AGPAT2: variants seen among roughly 807,000 people sequenced by gnomAD.
AGPAT2 encodes 1-acylglycerol-3-phosphate O-acyltransferase 2, also known as 1-acyl-sn-glycerol-3-phosphate acyltransferase beta.
A neutral mutation model predicts 26.1 loss-of-function variants in AGPAT2; 18 were observed. That is an observed-to-expected ratio of 0.69 (90% confidence interval 0.48 to 1.02). The LOEUF is 1.02. Ranked by LOEUF, AGPAT2 falls within the 50% of genes least tolerant of loss-of-function variation. The probability of loss-of-function intolerance (pLI) is 0.00; values close to 1 mark genes in which losing one functional copy is unlikely to be tolerated. For synonymous variants in AGPAT2, 200 were observed against 174.2 expected, an observed-to-expected ratio of 1.15 and a Z score of -1.16; for missense variants, 415 against 394.9, an observed-to-expected ratio of 1.05 and a Z score of -0.43.
Position 136,674,756 on chromosome 9 carries a change from TG to T in AGPAT2, c.639del (p.Lys214ArgfsTer39). 6.6e-7 allele frequency: 1 copy of T among 1,517,790 alleles called. No homozygotes were observed. The highest frequency in any genetic ancestry group is 1.3e-5 in the South Asian group (1 of 77,146). 94.0% of individuals were successfully genotyped at this position (1,517,790 alleles called of 1,614,324 possible). A position where few individuals can be genotyped will look rare whatever the true frequency, so the allele number is the denominator to read the frequency against. On this transcript the variant is annotated frameshift_variant, in exon 5 of 6. Coordinates refer to ENST00000371696, the MANE Select transcript of AGPAT2 (RefSeq NM_006412.4). LOFTEE classifies it low-confidence loss of function (END_TRUNC). ...VYSSFSSFYN[T>X]KKKFFTSGTV... is the part of the protein sequence containing the mutation. ...GTACCTGAAGTGAAGAACTTCTTCT[TG>T]GTGTTGTAGAAGGAGGAGAAGGAAG...
At position 136,677,608 on chromosome 9, in the gene AGPAT2, C is replaced by T. The variant is rs114049631; in HGVS notation, c.183-52G>A. The T allele has an allele frequency of 7.3e-4, 1,172 of 1,602,250 alleles. 11 individuals are homozygous for T. In the African/African-American group the frequency reaches 0.014, roughly 20 times the overall value. On this transcript the variant is annotated intron_variant, in intron 1 of 5. Coordinates refer to ENST00000371696, the MANE Select transcript of AGPAT2 (RefSeq NM_006412.4). ...GGTCCCACAGATCCCGCAGCCGAGG[C>T]TGGGGCGCGAAGGCCTGGGGGTGGG...
Position 136,687,222 on chromosome 9 carries a change from G to A in AGPAT2, c.136C>T (p.Leu46Phe), listed in dbSNP as rs1227650315. Residue 46 changes from leucine (L) to phenylalanine (F), a missense_variant, in exon 1 of 6, where the codon CTC (leucine) becomes TTC (phenylalanine). Transcript: ENST00000371696. ...LCFTVSAVAS[L>F]VCLLRHGGRT... The stretch of plus-strand genomic sequence containing the variant: ...CCGCCGTGGCGCAGCAGGCAGACGA[G>A]CGAGGCCACGGCGGACACCGTGAAG... 3 of 1,594,236 alleles carry A rather than the reference G, an allele frequency of 1.9e-6. No homozygotes were observed. Among genetic ancestry groups the A allele is most frequent in the Non-Finnish European group, 2.6e-6 (3 of 1,174,588 alleles).
rs746984584 is a variant in AGPAT2 at position 136,676,950 on chromosome 9, T to C, written c.492+11A>G. ...ACCCCAACCCCACCGAGCCCGGCCC[T>C]GCACACTCACGTTCTCCCTGACCAT... On this transcript the variant is annotated intron_variant, in intron 3 of 5. Transcript: ENST00000371696. 3.9e-6 allele frequency: 4 copies of C among 1,015,688 alleles called. No homozygotes were observed. Among genetic ancestry groups the C allele is most frequent in the South Asian group, 1.2e-5 (1 of 80,370 alleles). 62.9% of individuals were successfully genotyped at this position (1,015,688 alleles called of 1,614,324 possible). A position where few individuals can be genotyped will look rare whatever the true frequency, so the allele number is the denominator to read the frequency against.
intron 4 of AGPAT2, among the ~76,000 whole-genome samples, chr9:136,676,356 C>T (rs1361607860): frequency 6.6e-6 from 1 of 152,232 alleles, no homozygotes; most frequent in Non-Finnish European, 1.5e-5. Flanking sequence ...CCAAGGGCAG[C>T]TGGTCACTCT....
Position 136,687,198 on chromosome 9 carries a change from C to A in AGPAT2, c.160G>T (p.Gly54Cys). ...ASLVCLLRHG[G>C]RTVENMSIIG... The stretch of plus-strand genomic sequence containing the variant: ...TGCCTCATGTTCTCCACCGTCCGGC[C>A]GCCGTGGCGCAGCAGGCAGACGAGC... The change falls in exon 1 of 6, where the codon GGC (glycine) becomes TGC (cysteine). Residue 54 changes from glycine (G) to cysteine (C), a missense_variant. Gly to Cys is a radical substitution (Grantham distance 159). Coordinates refer to ENST00000371696, the MANE Select transcript of AGPAT2 (RefSeq NM_006412.4). 1 of 1,588,536 alleles carries A rather than the reference C, an allele frequency of 6.3e-7. No homozygotes were observed. Among genetic ancestry groups the A allele is most frequent in the Non-Finnish European group, 8.5e-7 (1 of 1,172,446 alleles).
chr9:136,673,769 C>A lies in AGPAT2; in HGVS notation c.820G>T (p.Val274Leu), dbSNP rs368902934. 1 of 1,598,592 alleles carries A rather than the reference C, an allele frequency of 6.3e-7. No individual in the cohort carries two copies. Among genetic ancestry groups the A allele is most frequent in the Non-Finnish European group, 8.5e-7 (1 of 1,174,230 alleles). ...GGTCTGGGCTACTGGGCCGGCTGCA[C>A]GCCAGACCCCGCAGTGGCCCCGTTC... Reference protein sequence around the residue: ...QENGATAGSGVQPAQ With the variant: ...QENGATAGSGLQPAQ Residue 274 changes from valine to leucine, a missense_variant, in exon 6 of 6, where the codon GTG becomes TTG. Val to Leu is a conservative substitution (Grantham distance 32, BLOSUM62 1). Coordinates refer to ENST00000371696, the MANE Select transcript of AGPAT2 (RefSeq NM_006412.4).
rs373343259 is a variant in AGPAT2, at chr9:136,676,635, C to T, written c.538G>A (p.Asp180Asn). ...GCGCCCTTCTTAAAAGGCAGCAGGTCCCCATTGTCGTTGCGAGTACCCTCG... is the reference window on the plus strand; with the variant it reads ...GCGCCCTTCTTAAAAGGCAGCAGGTTCCCATTGTCGTTGCGAGTACCCTCG... ...YPEGTRNDNG[D>N]LLPFKKGAFY... Residue 180 changes from aspartate to asparagine, a missense_variant, in exon 4 of 6, where the codon GAC becomes AAC. Asp to Asn is a conservative substitution (Grantham distance 23). Coordinates refer to ENST00000371696, the MANE Select transcript of AGPAT2 (RefSeq NM_006412.4). 1 of 1,613,468 alleles carries T rather than the reference C, an allele frequency of 6.2e-7. No individual in the cohort carries two copies. The highest frequency in any genetic ancestry group is 8.5e-7 in the Non-Finnish European group (1 of 1,179,918).
chr9:136,673,983 C>G, intron 5 of AGPAT2, 56 bp from the exon 6 acceptor site: 1 of 1,427,244 alleles, frequency 7.0e-7, no homozygotes, highest in Non-Finnish European at 9.3e-7. Flanking sequence ...CCCACCTCAG[C>G]CTGCTGCCCT....
intron 3 of AGPAT2, 32 bp downstream of exon 3, chr9:136,676,929 C>CA: frequency 3.1e-6 from 5 of 1,607,510 alleles, no homozygotes; most frequent in South Asian, 2.2e-5. Context: ...GGCCCCACCC[C>CA]AACCCCACCG....
At chr9:136,687,105 C>T (rs1172334014) in intron 1 of AGPAT2, 71 bp downstream of exon 1, 2 of 1,487,630 alleles carry the variant, frequency 1.3e-6, no homozygotes, top group Non-Finnish European at 1.8e-6. Flanking sequence ...GGAGGGAAGC[C>T]CAGAAGAAAG....
intron 1 of AGPAT2, among the ~76,000 whole-genome samples, chr9:136,682,211 C>T (rs1034991220): frequency 1.3e-5 from 2 of 152,132 alleles, no homozygotes; most frequent in African/African-American, 4.8e-5. Flanking sequence ...CCTGAGGCTC[C>T]CTCCCTCCCC....
chr9:136,682,579 G>A (rs1219422676), intron 1 of AGPAT2, among the ~76,000 whole-genome samples: 1 of 152,244 alleles, frequency 6.6e-6, no homozygotes, highest in Non-Finnish European at 1.5e-5. Flanking sequence ...GCCACTGCCA[G>A]GCGGGTGACT....
intron 1 of AGPAT2, among the ~76,000 whole-genome samples, chr9:136,686,589 C>G (rs1355146871): frequency 6.6e-6 from 1 of 152,228 alleles, no homozygotes. Flanking sequence ...AGGCCAGGGG[C>G]GCGCTCCCCA....
intron 1 of AGPAT2, among the ~76,000 whole-genome samples, chr9:136,685,858 G>A (rs1466136701): frequency 1.3e-5 from 2 of 152,192 alleles, no homozygotes; most frequent in Non-Finnish European, 1.5e-5. Context: ...TTCCAGCACA[G>A]GTGCCCAGAG....
At chr9:136,675,433 AG>A (rs1412083487) in intron 4 of AGPAT2, among the ~76,000 whole-genome samples, 1 of 39,716 alleles carries the variant, frequency 2.5e-5, no homozygotes, top group African/African-American at 6.7e-5. Flanking sequence ...GACTGGCAGC[AG>A]GAAGGGAGGA....
chr9:136,686,614 C>T (rs989663925), intron 1 of AGPAT2, among the ~76,000 whole-genome samples: 4 of 152,322 alleles, frequency 2.6e-5, no homozygotes, highest in African/African-American at 9.6e-5. Flanking sequence ...GGAAGCAGGT[C>T]CCCTCCGGGT....
In AGPAT2 at chr9:136,673,474, C is replaced by G. The variant is rs973705199; in HGVS notation, c.*278G>C. 2.9e-6 allele frequency: 1 copy of G among 342,238 alleles called. No homozygotes were observed. 21.2% of individuals were successfully genotyped at this position (342,238 alleles called of 1,614,324 possible). ...GCTCAGCCCACCAGCGGGCCACAGC[C>G]GCAAGCCTCATCTTTATCATCCCAG... is the stretch of plus-strand genomic sequence containing the variant. On this transcript the variant is annotated 3_prime_UTR_variant, in exon 6 of 6. Coordinates refer to ENST00000371696, the MANE Select transcript of AGPAT2 (RefSeq NM_006412.4).
rs868667663 is a variant in AGPAT2, at chr9:136,673,629, T to G, written c.*123A>C. On this transcript the variant is annotated 3_prime_UTR_variant, in exon 6 of 6. Coordinates refer to ENST00000371696, the MANE Select transcript of AGPAT2 (RefSeq NM_006412.4). Reference sequence around the variant, plus strand: ...AGAAGGGGCTTCCTGCTTCCCGGGCTGAGTGAGAGCTGGGGGAGCCGGACA... The same window carrying G: ...AGAAGGGGCTTCCTGCTTCCCGGGCGGAGTGAGAGCTGGGGGAGCCGGACA... The G allele has an allele frequency of 1.8e-6, 2 of 1,125,592 alleles. No homozygotes were observed. The highest frequency in any genetic ancestry group is 2.4e-6 in the Non-Finnish European group (2 of 829,434). The allele number at this position is 1,125,592 out of a possible 1,614,324, so 69.7% of individuals were successfully genotyped here.
chr9:136,677,994 G>T (rs1194586393), intron 1 of AGPAT2, among the ~76,000 whole-genome samples: 2 of 152,156 alleles, frequency 1.3e-5, no homozygotes, highest in East Asian at 1.9e-4. Flanking sequence ...CACACCCTGG[G>T]GAAGGTCACT....
Sources: gnomAD v4.1 joint callset for allele counts (sites outside exome capture counted in the v4.1 genomes callset) on GRCh38, gnomAD v4.1.1 for gene constraint, MANE v1.5 for transcripts, NCBI Gene and HGNC (gene_info 2026-07-23, HGNC 2026-07-21) for gene names.